TENM3: variants seen among roughly 807,000 people sequenced by gnomAD.
TENM3 encodes the protein teneurin-3.
TENM3 carries 63 observed loss-of-function variants against 255.1 expected under a neutral mutation model. That is an observed-to-expected ratio of 0.25 (90% CI 0.20 to 0.30). TENM3 has a LOEUF of 0.30. Ranked by LOEUF, TENM3 falls within the 10% of genes least tolerant of loss-of-function variation. TENM3 has a pLI of 1.00. For synonymous variants in TENM3, 1,306 were observed against 1,322.3 expected (o/e 0.99, Z 0.27); for missense variants, 2,929 against 3,461.1 (o/e 0.85, Z 3.86).
chr4:181,516,021 A>G, the TENM3 span, among the ~76,000 whole-genome samples: 1 of 152,240 alleles, frequency 6.6e-6, no homozygotes, highest in Non-Finnish European at 1.5e-5. Context: ...AGCCATAAAA[A>G]GAAACAATAT....
the TENM3 span, among the ~76,000 whole-genome samples, chr4:181,468,132 C>CCAAAAAAAAAAA: frequency 2.3e-5 from 3 of 130,742 alleles, 1 homozygote; most frequent in African/African-American, 3.0e-5. Flanking sequence ...CCCATCTGTA[C>CCAAAAAAAAAAA]AAAAAAAAAA....
the TENM3 span, among the ~76,000 whole-genome samples, chr4:181,545,099 C>T: frequency 1.3e-5 from 2 of 152,128 alleles, no homozygotes; most frequent in East Asian, 1.9e-4. Context: ...ACACACACTC[C>T]GTTTCAGATA....
At chr4:182,758,321 G>C (rs1762878107) in intron 22 of TENM3, among the ~76,000 whole-genome samples, 1 of 152,056 alleles carries the variant, frequency 6.6e-6, no homozygotes, top group African/African-American at 2.4e-5. Context: ...CATTCAAAAG[G>C]AAATGCACAA....
the TENM3 span, among the ~76,000 whole-genome samples, chr4:181,659,458 G>T: frequency 9.9e-5 from 15 of 152,168 alleles, no homozygotes; most frequent in East Asian, 2.7e-3. Context: ...CAATTCTATG[G>T]GGAATAGAAT....
intron 1 of TENM3, among the ~76,000 whole-genome samples, chr4:182,267,864 A>C (rs778860157): frequency 2.5e-4 from 38 of 152,238 alleles, no homozygotes; most frequent in Non-Finnish European, 5.1e-4. Flanking sequence ...ATTATGTTTC[A>C]AAAACTATGG....
At chr4:182,411,070 G>A (rs1769947466) in intron 3 of TENM3, among the ~76,000 whole-genome samples, 1 of 152,114 alleles carries the variant, frequency 6.6e-6, no homozygotes, top group African/African-American at 2.4e-5. Context: ...CACCTGCTGT[G>A]AGTCCCTATC....
chr4:182,405,090 C>T (rs1218885017), intron 3 of TENM3, among the ~76,000 whole-genome samples: 2 of 152,148 alleles, frequency 1.3e-5, no homozygotes, highest in Non-Finnish European at 2.9e-5. Flanking sequence ...AAATCAAACC[C>T]AGTACCCAGA....
chr4:182,765,974 G>A (rs1439277824), intron 22 of TENM3, among the ~76,000 whole-genome samples: 1 of 152,178 alleles, frequency 6.6e-6, no homozygotes, highest in Non-Finnish European at 1.5e-5. Context: ...TATCTTATAT[G>A]TTATGTTGGT....
At chr4:181,519,852 G>A in the TENM3 span, among the ~76,000 whole-genome samples, 1 of 152,180 alleles carries the variant, frequency 6.6e-6, no homozygotes, top group Admixed American at 6.5e-5. Flanking sequence ...ACAATAAGCA[G>A]AGGCTGTTGG....
At chr4:182,651,918 TTTAG>T (rs1178443604) in intron 5 of TENM3, among the ~76,000 whole-genome samples, 1 of 152,194 alleles carries the variant, frequency 6.6e-6, no homozygotes, top group Non-Finnish European at 1.5e-5. Context: ...ATTTTTAAAG[TTTAG>T]TTAATTACAT....
the TENM3 span, among the ~76,000 whole-genome samples, chr4:181,615,528 C>T: frequency 1.3e-5 from 2 of 152,064 alleles, no homozygotes; most frequent in African/African-American, 4.8e-5. Context: ...TTTCATAATT[C>T]CATTTAGAAG....
the TENM3 span, among the ~76,000 whole-genome samples, chr4:181,478,943 A>G: frequency 1.1e-4 from 16 of 152,354 alleles, no homozygotes; most frequent in African/African-American, 3.6e-4. Flanking sequence ...GGTTTTACAT[A>G]TAAATAAGTA....
chr4:182,348,897 C>T (rs1765002280), intron 3 of TENM3, among the ~76,000 whole-genome samples: 1 of 152,114 alleles, frequency 6.6e-6, no homozygotes, highest in South Asian at 2.1e-4. Flanking sequence ...TACCACTGCC[C>T]TCACCATTCG....
intron 1 of TENM3, among the ~76,000 whole-genome samples, chr4:182,198,723 TG>T (rs1753986572): frequency 6.6e-6 from 1 of 152,196 alleles, no homozygotes. Context: ...TTTCAGCTCC[TG>T]GCTCAGGCCT....
chr4:182,498,815 A>G (rs1001279600), intron 3 of TENM3, among the ~76,000 whole-genome samples: 1 of 152,002 alleles, frequency 6.6e-6, no homozygotes, highest in African/African-American at 2.4e-5. Context: ...AGATTGTGCC[A>G]TTGCACTCCA....
At chr4:181,789,209 GC>G in the TENM3 span, among the ~76,000 whole-genome samples, 1 of 142,138 alleles carries the variant, frequency 7.0e-6, no homozygotes, top group African/African-American at 2.5e-5. Flanking sequence ...TTTATAAAGA[GC>G]CCCCTTTATT....
chr4:182,606,443 G>A (rs145406044), intron 4 of TENM3, among the ~76,000 whole-genome samples: 1 of 142,846 alleles, frequency 7.0e-6, no homozygotes, highest in African/African-American at 2.6e-5. Flanking sequence ...AGAATCTCTT[G>A]AACCCGGGAG....
chr4:182,349,568 T>G (rs1040592008), intron 3 of TENM3, among the ~76,000 whole-genome samples: 2 of 152,146 alleles, frequency 1.3e-5, no homozygotes, highest in Non-Finnish European at 2.9e-5. Context: ...GTCTTTCCCT[T>G]AAGCTGGGTT....
At chr4:181,632,395 C>T in the TENM3 span, among the ~76,000 whole-genome samples, 28 of 152,148 alleles carry the variant, frequency 1.8e-4, no homozygotes, top group African/African-American at 5.1e-4. Context: ...GGTGGGGACA[C>T]AGAGCCAAAC....
Sources: gnomAD v4.1 joint callset for allele counts (sites outside exome capture counted in the v4.1 genomes callset) on GRCh38, gnomAD v4.1.1 for gene constraint, MANE v1.5 for transcripts, NCBI Gene and HGNC (gene_info 2026-07-23, HGNC 2026-07-21) for gene names.